The following ITIH5 variants were observed in gnomAD, a reference collection of about 807,000 sequenced individuals.
The protein encoded by ITIH5 is inter-alpha-trypsin inhibitor heavy chain H5.
A neutral mutation model predicts 77.5 loss-of-function variants in ITIH5; 65 were observed. The observed-to-expected ratio is 0.84, with a 90% CI of 0.69 to 1.03. The LOEUF (loss-of-function observed/expected upper bound fraction) is 1.03. Ranked by LOEUF, ITIH5 falls within the 50% of genes least tolerant of loss-of-function variation. ITIH5 has a pLI of 0.00. For missense variants in ITIH5, 1,208 were observed against 1,213.1 expected (o/e 1.00, Z 0.06); for synonymous variants, 525 against 494.3 (o/e 1.06, Z -0.82).
intron 1 of ITIH5, among the ~76,000 whole-genome samples, chr10:7,656,529 TA>T (rs980632083): frequency 3.3e-5 from 5 of 151,850 alleles, no homozygotes; most frequent in South Asian, 2.1e-4. Flanking sequence ...AGATTTTTTT[TA>T]AAAAAAACTC....
chr10:7,621,056 T>C (rs1833467210), intron 5 of ITIH5: 1 of 152,160 alleles, frequency 6.6e-6, no homozygotes, highest in Non-Finnish European at 1.5e-5. Context: ...GACTCCGCCA[T>C]TTGTGTTTTA....
chr10:7,565,335 C>A (rs10795552), intron 13 of ITIH5, among the ~76,000 whole-genome samples: 100,521 of 148,198 alleles, frequency 0.68, 35,095 homozygotes, highest in Non-Finnish European at 0.77. Context: ...ATCACACATA[C>A]AAAGATGGTA....
At chr10:7,654,084 G>A (rs1442105381) in intron 2 of ITIH5, among the ~76,000 whole-genome samples, 2 of 152,148 alleles carry the variant, frequency 1.3e-5, no homozygotes, top group East Asian at 1.9e-4. Context: ...TTCAACCCAG[G>A]AGGCAGAGGT....
intron 5 of ITIH5, among the ~76,000 whole-genome samples, chr10:7,628,556 T>TTATGGCATGTATC (rs1833625589): frequency 2.9e-5 from 3 of 105,246 alleles, no homozygotes; most frequent in Non-Finnish European, 2.6e-5. Flanking sequence ...TACCATGTAT[T>TTATGGCATGTATC]CGTGTTGTGA....
intron 7 of ITIH5, among the ~76,000 whole-genome samples, chr10:7,587,905 T>C (rs977466838): frequency 2.6e-5 from 4 of 152,296 alleles, no homozygotes; most frequent in African/African-American, 9.6e-5. Context: ...CGTCGGCCCC[T>C]CTGGCTAGGT....
At chr10:7,640,572 TCTC>T (rs1327926580) in intron 4 of ITIH5, among the ~76,000 whole-genome samples, 179 bp downstream of exon 4, 1 of 152,008 alleles carries the variant, frequency 6.6e-6, no homozygotes, top group Admixed American at 6.6e-5. Context: ...ATGGTAAAAT[TCTC>T]CTTTTTATTA....
intron 7 of ITIH5, among the ~76,000 whole-genome samples, chr10:7,607,367 C>T (rs1378094409): frequency 1.3e-5 from 2 of 152,184 alleles, no homozygotes; most frequent in Admixed American, 1.3e-4. Flanking sequence ...CATCTGGGGG[C>T]CGGGCGTGGT....
chr10:7,592,490 AAGAG>A (rs1015698235), intron 7 of ITIH5, among the ~76,000 whole-genome samples: 1 of 152,174 alleles, frequency 6.6e-6, no homozygotes, highest in African/African-American at 2.4e-5. Flanking sequence ...GACAGAGAGA[AAGAG>A]AGAAACAGAA....
intron 7 of ITIH5, among the ~76,000 whole-genome samples, chr10:7,590,293 C>A (rs954686860): frequency 3.9e-5 from 6 of 152,204 alleles, no homozygotes; most frequent in African/African-American, 1.2e-4. Flanking sequence ...AATTCCAACT[C>A]CTCTCCCTAA....
intron 1 of ITIH5, among the ~76,000 whole-genome samples, chr10:7,658,041 G>T (rs561321874): frequency 6.6e-6 from 1 of 152,206 alleles, no homozygotes; most frequent in East Asian, 1.9e-4. Flanking sequence ...TATCCTGAGA[G>T]ATATGTTCAT....
chr10:7,580,870 C>A (rs1832537876), intron 8 of ITIH5, among the ~76,000 whole-genome samples: 1 of 152,196 alleles, frequency 6.6e-6, no homozygotes, highest in Non-Finnish European at 1.5e-5. Context: ...ATCACCTCTG[C>A]TTGCCAGAAC....
At chr10:7,605,199 C>T (rs1372441440) in intron 7 of ITIH5, among the ~76,000 whole-genome samples, 1 of 151,726 alleles carries the variant, frequency 6.6e-6, no homozygotes, top group Non-Finnish European at 1.5e-5. Flanking sequence ...TAGAGACACG[C>T]TTTCTCCTGC....
At chr10:7,577,541 G>T (rs1000781318) in intron 9 of ITIH5, among the ~76,000 whole-genome samples, 3 of 152,174 alleles carry the variant, frequency 2.0e-5, no homozygotes, top group African/African-American at 7.2e-5. Flanking sequence ...CTTTTTCTTA[G>T]AACCAAATAC....
chr10:7,640,571 T>C (rs1833868961), intron 4 of ITIH5, among the ~76,000 whole-genome samples, 183 bp downstream of exon 4: 1 of 151,806 alleles, frequency 6.6e-6, no homozygotes, highest in African/African-American at 2.4e-5. Flanking sequence ...TATGGTAAAA[T>C]TCTCCTTTTT....
At chr10:7,606,496 C>T (rs974069930) in intron 7 of ITIH5, among the ~76,000 whole-genome samples, 1 of 152,230 alleles carries the variant, frequency 6.6e-6, no homozygotes, top group South Asian at 2.1e-4. Flanking sequence ...GCAAATTAAC[C>T]CAGGAACTGA....
chr10:7,569,010 C>CTTTTTTTTTTTTTTTTTTTTTTTTT (rs5782983), intron 12 of ITIH5, among the ~76,000 whole-genome samples: 1 of 71,596 alleles, frequency 1.4e-5, no homozygotes, highest in Non-Finnish European at 2.7e-5. Context: ...TTTTCTTTTT[C>CTTTTTTTTTTTTTTTTTTTTTTTTT]TTTTTTTTTT....
At chr10:7,565,251 T>C (rs1240425638) in intron 13 of ITIH5, among the ~76,000 whole-genome samples, 3 of 149,078 alleles carry the variant, frequency 2.0e-5, no homozygotes, top group East Asian at 3.9e-4. Context: ...TATACATACA[T>C]ATACACATAT....
intron 5 of ITIH5, chr10:7,617,988 CT>C (rs112597934): frequency 7.3e-4 from 107 of 146,434 alleles, no homozygotes; most frequent in Admixed American, 6.8e-4. Flanking sequence ...TTCTGTATTC[CT>C]TTTTTTTTTT....
chr10:7,627,449 G>C (rs995327669), intron 5 of ITIH5, among the ~76,000 whole-genome samples: 1 of 152,184 alleles, frequency 6.6e-6, no homozygotes, highest in African/African-American at 2.4e-5. Context: ...GGGATGTGTG[G>C]CTGGTCAGTA....
Sources: gnomAD v4.1 joint callset for allele counts (sites outside exome capture counted in the v4.1 genomes callset) on GRCh38, gnomAD v4.1.1 for gene constraint, MANE v1.5 for transcripts, NCBI Gene and HGNC (gene_info 2026-07-23, HGNC 2026-07-21) for gene names.